LRRC43: variants seen among roughly 807,000 people sequenced by gnomAD.
LRRC43 encodes leucine-rich repeat-containing protein 43.
Under a neutral mutation model 64.3 loss-of-function variants are expected in LRRC43, and 62 were observed. That is an observed-to-expected ratio of 0.96 (90% CI 0.79 to 1.19). LRRC43 has a LOEUF of 1.19. Among genes scored for constraint, LRRC43 ranks in the 50% most tolerant of loss-of-function variants. LRRC43 has a pLI of 0.00. For synonymous variants in LRRC43, 422 were observed against 382.3 expected, an observed-to-expected ratio of 1.10 and a Z score of -1.21; for missense variants, 868 against 845.0, an observed-to-expected ratio of 1.03 and a Z score of -0.34.
chr12:122,181,610 ATTT>A (rs369940986), upstream of LRRC43, among the ~76,000 whole-genome samples: 1 of 135,318 alleles, frequency 7.4e-6, no homozygotes. Flanking sequence ...TTTTGGATAA[ATTT>A]TTTTTTTTTT....
intron 4 of LRRC43, chr12:122,189,335 G>C (rs374438917): frequency 2.0e-5 from 9 of 441,828 alleles, no homozygotes; most frequent in African/African-American, 1.2e-4. Flanking sequence ...TGCCTGGAGC[G>C]GGCGGACGCA....
At chr12:122,177,505 GTGTGTGTGTGTGTT>G (rs1290736092) in intron 1 of LRRC43, among the ~76,000 whole-genome samples, 1 of 151,348 alleles carries the variant, frequency 6.6e-6, no homozygotes, top group African/African-American at 2.4e-5. Flanking sequence ...GTGTGTGTGT[GTGTGTGTGTGTGTT>G]TAATAGAAAG....
In LRRC43 at chr12:122,184,095, A is replaced by AT. The variant is rs35033444; in HGVS notation, c.151-407dup. ...AAATTATTGATTATTCACTGTCTAG[A>AT]TTTTTTTTTTTTTTTTTGAGACGGA... is the stretch of plus-strand genomic sequence containing the variant. On this transcript the variant is annotated intron_variant, in intron 1 of 11. Coordinates refer to ENST00000339777, the MANE Select transcript of LRRC43 (RefSeq NM_001098519.2). This position sits in a 1 kb window ranked among gnomAD's most constrained non-coding sequence, Gnocchi z 4.0. 1.5e-3 allele frequency among the ~76,000 whole-genome samples: 202 copies of AT among 137,796 alleles called. No individual in the cohort carries two copies. Among genetic ancestry groups the AT allele is most frequent in the South Asian group, 2.5e-3 (11 of 4,372 alleles). The allele number at this position is 137,796 out of a possible 152,430, so 90.4% of individuals were successfully genotyped here.
intron 6 of LRRC43, 101 bp from the exon 7 acceptor site, chr12:122,192,644 C>G: frequency 7.2e-7 from 1 of 1,384,390 alleles, no homozygotes; most frequent in Non-Finnish European, 1.0e-6. Context: ...CATGCGTGAA[C>G]CTCATCCAGA....
intron 1 of LRRC43, chr12:122,174,114 A>G: frequency 3.1e-6 from 5 of 1,614,112 alleles, no homozygotes; most frequent in Non-Finnish European, 3.4e-6. Context: ...CTGGTGAGAT[A>G]AGATGATGCC....
At chr12:122,176,807 A>T (rs1953540857) in intron 1 of LRRC43, among the ~76,000 whole-genome samples, 1 of 151,932 alleles carries the variant, frequency 6.6e-6, no homozygotes, top group South Asian at 2.1e-4. Flanking sequence ...GGCATGTACC[A>T]CCATGCCTGG....
chr12:122,201,256 C>G (rs1953835627), intron 10 of LRRC43, 40 bp from the exon 11 acceptor site: 3 of 1,610,350 alleles, frequency 1.9e-6, no homozygotes, highest in Non-Finnish European at 2.5e-6. Context: ...AGTACCTCCC[C>G]TCTCCAGTAA....
Position 122,187,823 on chromosome 12 carries a change from C to CTAGTGATTA in LRRC43, c.645_646insTAGTGATTA (p.Tyr215_Val216insTer), listed in dbSNP as rs1566008385. The CTAGTGATTA allele has an allele frequency of 6.2e-7, 1 of 1,614,130 alleles. No homozygotes were observed. The highest frequency in any genetic ancestry group is 2.2e-5 in the East Asian group (1 of 44,872). Reference sequence around the variant, plus strand: ...TTCTAGGCCCCTTGGAAAGTCTCTACGTCACCGCTAATCACTGGTAACTCG... The same window carrying CTAGTGATTA: ...TTCTAGGCCCCTTGGAAAGTCTCTACTAGTGATTAGTCACCGCTAATCACTGGTAACTCG... On this transcript the variant is annotated stop_gained and inframe_insertion, in exon 4 of 12. Coordinates refer to ENST00000339777, the MANE Select transcript of LRRC43 (RefSeq NM_001098519.2). LOFTEE classifies it high-confidence loss of function.
At position 122,191,504 on chromosome 12, in the gene LRRC43, G is replaced by A. The variant is rs1331970844; in HGVS notation, c.1026G>A (p.Val342=). 12 of 1,614,112 alleles carry A rather than the reference G, an allele frequency of 7.4e-6. No homozygotes were observed. The highest frequency in any genetic ancestry group is 4.5e-5 in the East Asian group (2 of 44,884). ...EGPFITYNYY[V]TYDFVKDEEG... Reference sequence around the variant, plus strand: ...CTTTCATCACTTACAACTATTACGTGACCTATGATTTTGTGAAAGATGAAG... The same window carrying A: ...CTTTCATCACTTACAACTATTACGTAACCTATGATTTTGTGAAAGATGAAG... The change falls in exon 6 of 12, where the codon GTG becomes GTA. Residue 342 remains valine, a synonymous_variant. Transcript: ENST00000339777.
At chr12:122,173,718 T>C in intron 1 of LRRC43, 3 of 802,340 alleles carry the variant, frequency 3.7e-6, no homozygotes. Flanking sequence ...GCCTGTCTAG[T>C]TTCCCCCATC....
rs367615173 is a variant in LRRC43, at chr12:122,191,564, C to G, written c.1086C>G (p.Ala362=). The G allele has an allele frequency of 6.2e-7, 1 of 1,613,370 alleles. No homozygotes were observed. Among genetic ancestry groups the G allele is most frequent in the Non-Finnish European group, 8.5e-7 (1 of 1,179,582 alleles). The change falls in exon 6 of 12, where the codon GCC becomes GCG. Residue 362 remains alanine (A), a synonymous_variant. Coordinates refer to ENST00000339777, the MANE Select transcript of LRRC43 (RefSeq NM_001098519.2). Reference sequence around the variant, plus strand: ...TGAATGAGTCCGCGGGCGTCCTGGCCGAGGTGTGCCCTGGTCTGTCCCTAG... The same window carrying G: ...TGAATGAGTCCGCGGGCGTCCTGGCGGAGGTGTGCCCTGGTCTGTCCCTAG... ...GEMNESAGVL[A]EIVKPSPSLE... is the part of the protein sequence containing the mutation.
chr12:122,186,196 C>T lies in LRRC43; in HGVS notation c.418C>T (p.Leu140=), dbSNP rs1953641939. Residue 140 remains leucine, a synonymous_variant, in exon 3 of 12, where the codon CTG becomes TTG. Coordinates refer to ENST00000339777, the MANE Select transcript of LRRC43 (RefSeq NM_001098519.2). ...SLRVIDKKVT[L]VDKDLLKFLK... ...TTCCTCTCCCCTCTTCCAGGTCACCCTGGTGGATAAAGACCTCCTGAAATT... is the reference window on the plus strand; with the variant it reads ...TTCCTCTCCCCTCTTCCAGGTCACCTTGGTGGATAAAGACCTCCTGAAATT... The T allele has an allele frequency of 6.3e-7, 1 of 1,587,362 alleles. No individual in the cohort carries two copies. The highest frequency in any genetic ancestry group is 8.6e-7 in the Non-Finnish European group (1 of 1,165,474).
chr12:122,181,033 T>C (rs1258770488), upstream of LRRC43, among the ~76,000 whole-genome samples: 1 of 150,714 alleles, frequency 6.6e-6, no homozygotes, highest in Admixed American at 6.6e-5. Context: ...CTGGGCAACA[T>C]GGCGAAACCC....
intron 7 of LRRC43, among the ~76,000 whole-genome samples, chr12:122,196,413 T>G (rs1953773216): frequency 6.6e-6 from 1 of 152,202 alleles, no homozygotes; most frequent in Admixed American, 6.6e-5. Flanking sequence ...ACATACCATT[T>G]CCAGGTGCAG....
At position 122,184,785 on chromosome 12, in the gene LRRC43, T is replaced by A; in HGVS notation, c.411+6T>A. Reference sequence around the variant, plus strand: ...TGCGGGTAATAGACAAGAAGGTCAGTGCTGGGCACGTGGTAGGTGATGTTA... The same window carrying A: ...TGCGGGTAATAGACAAGAAGGTCAGAGCTGGGCACGTGGTAGGTGATGTTA... On this transcript the variant is annotated splice_donor_region_variant and intron_variant, in intron 2 of 11. Coordinates refer to ENST00000339777, the MANE Select transcript of LRRC43 (RefSeq NM_001098519.2). This position sits in a 1 kb window ranked among gnomAD's most constrained non-coding sequence, Gnocchi z 4.0. The A allele has an allele frequency of 6.3e-7, 1 of 1,591,202 alleles. No homozygotes were observed. The highest frequency in any genetic ancestry group is 1.3e-5 in the African/African-American group (1 of 74,622).
At chr12:122,187,635 G>A in intron 3 of LRRC43, 66 bp from the exon 4 acceptor site, 1 of 1,505,030 alleles carries the variant, frequency 6.6e-7, no homozygotes. Flanking sequence ...GGACAGAGGG[G>A]AGGGGCCTGA....
chr12:122,171,083 C>A (rs577622169), intron 1 of LRRC43, among the ~76,000 whole-genome samples: 22 of 152,316 alleles, frequency 1.4e-4, no homozygotes, highest in African/African-American at 3.8e-4. Context: ...AATCTTTGGA[C>A]CTGGCTAGGA....
chr12:122,201,079 C>A (rs1953833768), intron 10 of LRRC43, 145 bp downstream of exon 10: 3 of 1,129,144 alleles, frequency 2.7e-6, no homozygotes, highest in Admixed American at 2.5e-5. Flanking sequence ...TGCAGCTGGG[C>A]TGCTGGTGCT....
intron 3 of LRRC43, among the ~76,000 whole-genome samples, chr12:122,187,225 C>T (rs1292547778): frequency 5.3e-5 from 8 of 151,850 alleles, no homozygotes; most frequent in African/African-American, 1.9e-4. Flanking sequence ...AGCGAGACTC[C>T]ACCTCAAAAT....
Sources: allele counts gnomAD v4.1 joint callset (sites outside exome capture counted in the v4.1 genomes callset), GRCh38; gene constraint gnomAD v4.1.1; non-coding constraint Gnocchi (gnomAD v3.1); transcripts MANE v1.5; gene names NCBI Gene and HGNC (gene_info 2026-07-23, HGNC 2026-07-21).